Variants in CNTN1 observed in about 807,000 individuals in gnomAD.
CNTN1 encodes the protein contactin 1.
Under a neutral mutation model 126.4 loss-of-function variants are expected in CNTN1, and 38 were observed. The ratio of observed to expected loss-of-function variants is 0.30; its 90% CI spans 0.23 to 0.39. The LOEUF (loss-of-function observed/expected upper bound fraction) is 0.39, where lower values mean the gene tolerates loss of function less well. Ranked by LOEUF, CNTN1 falls within the 10% of genes least tolerant of loss-of-function variation. CNTN1 has a pLI of 1.00. For synonymous variants in CNTN1, 413 were observed against 422.6 expected, an observed-to-expected ratio of 0.98 and a Z score of 0.28; for missense variants, 1,009 against 1,248.4, an observed-to-expected ratio of 0.81 and a Z score of 2.89.
intron 14 of CNTN1, among the ~76,000 whole-genome samples, chr12:40,957,574 G>A (rs1358399944): frequency 2.3e-5 from 3 of 132,390 alleles, no homozygotes; most frequent in African/African-American, 5.9e-5. Context: ...TTCTAGTCTG[G>A]AGCTCCCTGG....
chr12:40,915,698 T>A (rs1249211307), intron 3 of CNTN1, among the ~76,000 whole-genome samples: 1 of 152,156 alleles, frequency 6.6e-6, no homozygotes, highest in Non-Finnish European at 1.5e-5. Context: ...ACTGAGCAGA[T>A]CTTTTGATTT....
chr12:41,071,811 G>A lies in CNTN1; in HGVS notation c.*1776G>A, dbSNP rs1950164010. On this transcript the variant is annotated 3_prime_UTR_variant, in exon 24 of 24. Coordinates refer to ENST00000551295, the MANE Select transcript of CNTN1 (RefSeq NM_001843.4). The stretch of plus-strand genomic sequence containing the variant: ...CATACTTTAGGGAAACGAATACCCT[G>A]TATACCTTCTGTACAAATGTTTGTG... 6.6e-6 allele frequency: 1 copy of A among 152,142 alleles called. No homozygotes were observed. The allele number at this position is 152,142 out of a possible 1,614,324, so 9.4% of individuals were successfully genotyped here. A position where few individuals can be genotyped will look rare whatever the true frequency, so the allele number is the denominator to read the frequency against.
chr12:40,995,455 A>G, intron 17 of CNTN1, among the ~76,000 whole-genome samples: 1 of 151,924 alleles, frequency 6.6e-6, no homozygotes, highest in East Asian at 1.9e-4. Flanking sequence ...GAATCAGAAC[A>G]ACATTTTTCC....
At chr12:40,991,105 G>A (rs1948085368) in intron 16 of CNTN1, among the ~76,000 whole-genome samples, 1 of 152,048 alleles carries the variant, frequency 6.6e-6, no homozygotes. Flanking sequence ...CTCATAGTTT[G>A]GAGACCAAAA....
chr12:40,890,263 TC>T (rs1944194050), intron 1 of CNTN1, among the ~76,000 whole-genome samples: 2 of 152,166 alleles, frequency 1.3e-5, no homozygotes, highest in African/African-American at 4.8e-5. Context: ...ACCCCTTGTC[TC>T]CTCACACATA....
At chr12:40,924,740 T>C (rs1031297103) in intron 6 of CNTN1, 88 bp downstream of exon 6, 6 of 740,564 alleles carry the variant, frequency 8.1e-6, no homozygotes, top group Non-Finnish European at 1.5e-5. Context: ...ACATTATTAA[T>C]AATCATGGCT....
At chr12:40,941,520 C>A (rs560704614) in intron 12 of CNTN1, among the ~76,000 whole-genome samples, 4 of 152,018 alleles carry the variant, frequency 2.6e-5, no homozygotes, top group Non-Finnish European at 5.9e-5. Flanking sequence ...TTGGAAGAAG[C>A]TATGTATCTT....
intron 1 of CNTN1, among the ~76,000 whole-genome samples, chr12:40,782,392 T>C (rs1439681082): frequency 3.9e-5 from 6 of 151,940 alleles, no homozygotes; most frequent in Non-Finnish European, 8.8e-5. Context: ...TATATAATAG[T>C]CAAAACAACA....
intron 17 of CNTN1, among the ~76,000 whole-genome samples, chr12:41,013,932 C>T (rs1039112290): frequency 1.3e-5 from 2 of 152,100 alleles, no homozygotes; most frequent in African/African-American, 4.8e-5. Flanking sequence ...GTAAAAGTGG[C>T]AAAATCTTTT....
At chr12:40,939,253 G>C in intron 11 of CNTN1, 82 bp from the exon 12 acceptor site, 2 of 1,446,608 alleles carry the variant, frequency 1.4e-6, no homozygotes, top group Non-Finnish European at 1.9e-6. Context: ...CTATTAAGGA[G>C]AATAAAAGAT....
At chr12:40,796,070 A>T (rs750793412) in intron 1 of CNTN1, among the ~76,000 whole-genome samples, 32 of 152,098 alleles carry the variant, frequency 2.1e-4, no homozygotes, top group Non-Finnish European at 4.4e-4. Flanking sequence ...ATACAATTTA[A>T]CTATGATCGA....
intron 1 of CNTN1, among the ~76,000 whole-genome samples, chr12:40,822,802 G>A (rs1021807840): frequency 6.6e-6 from 1 of 152,072 alleles, no homozygotes; most frequent in Non-Finnish European, 1.5e-5. Context: ...TATTACAAAA[G>A]TATACTGCTT....
At chr12:40,922,036 C>T (rs117663587) in intron 4 of CNTN1, among the ~76,000 whole-genome samples, 19 of 152,292 alleles carry the variant, frequency 1.2e-4, no homozygotes, top group East Asian at 1.9e-4. Flanking sequence ...CAAAATACGT[C>T]ATGTACTTTG....
intron 1 of CNTN1, among the ~76,000 whole-genome samples, chr12:40,808,405 A>G (rs1756010439): frequency 6.6e-6 from 1 of 152,192 alleles, no homozygotes; most frequent in Non-Finnish European, 1.5e-5. Context: ...CAAGCTACCA[A>G]CATGATGTCA....
At chr12:40,854,650 C>T (rs1271235093) in intron 1 of CNTN1, among the ~76,000 whole-genome samples, 1 of 152,044 alleles carries the variant, frequency 6.6e-6, no homozygotes, top group Non-Finnish European at 1.5e-5. Context: ...TTTTCACTTC[C>T]GTTAACATTT....
At chr12:41,067,834 GT>G (rs1950079505) in intron 23 of CNTN1, among the ~76,000 whole-genome samples, 1 of 151,918 alleles carries the variant, frequency 6.6e-6, no homozygotes, top group South Asian at 2.1e-4. Flanking sequence ...AGGTTTTACT[GT>G]GTGATTGAGG....
At chr12:41,031,010 G>C (rs1949134895) in intron 23 of CNTN1, among the ~76,000 whole-genome samples, 1 of 152,146 alleles carries the variant, frequency 6.6e-6, no homozygotes, top group Non-Finnish European at 1.5e-5. Context: ...AATTGCTCTT[G>C]AACCCTGGGC....
chr12:40,699,250 T>C (rs1242177291), intron 1 of CNTN1, among the ~76,000 whole-genome samples: 1 of 152,146 alleles, frequency 6.6e-6, no homozygotes, highest in South Asian at 2.1e-4. Flanking sequence ...TCTGAAGAAA[T>C]GAATAAAAGA....
At chr12:40,918,043 C>T (rs1458164214) in intron 3 of CNTN1, among the ~76,000 whole-genome samples, 1 of 152,116 alleles carries the variant, frequency 6.6e-6, no homozygotes, top group African/African-American at 2.4e-5. Context: ...GTTCAAAAAT[C>T]ATTAGGCTCC....
Sources: allele counts gnomAD v4.1 joint callset (sites outside exome capture counted in the v4.1 genomes callset), GRCh38; gene constraint gnomAD v4.1.1; transcripts MANE v1.5; gene names NCBI Gene and HGNC (gene_info 2026-07-23, HGNC 2026-07-21).